Variants in USH2A observed in about 807,000 individuals in gnomAD.
USH2A encodes usherin, also known as Usher syndrome 2A (autosomal recessive, mild).
In USH2A, 443 loss-of-function variants were observed where a neutral mutation model predicts 538.9. The observed-to-expected ratio is 0.82, with a 90% CI of 0.76 to 0.89. The LOEUF is 0.89. USH2A is among the 40% of genes least tolerant of loss of function. USH2A has a pLI of 0.00. For synonymous variants in USH2A, 2,413 were observed against 2,273.5 expected (o/e 1.06, Z -1.75); for missense variants, 6,633 against 6,324.8 (o/e 1.05, Z -1.65).
At chr1:215,873,993 C>T (rs12095838) in intron 43 of USH2A, among the ~76,000 whole-genome samples, 3,384 of 152,114 alleles carry the variant, frequency 0.022, 118 homozygotes, top group African/African-American at 0.077. Flanking sequence ...AAATCCACAA[C>T]GAAAAGGAGA....
rs1044708602 is a variant in USH2A at position 215,766,779 on chromosome 1, G to A, written c.10949C>T (p.Pro3650Leu). ...AAGAGTGAAGCTGTAGTTGGTGTAT[G>A]GCTGGAGACCTAGAAAAAGCAAGCA... Reference protein sequence around the residue: ...RRQHTVTGLQPYTNYSFTLTA... With the variant: ...RRQHTVTGLQLYTNYSFTLTA... The change falls in exon 56 of 72, where the codon CCA (proline) becomes CTA (leucine). Residue 3650 changes from proline to leucine, a missense_variant. By Grantham distance (98) the Pro-to-Leu change is moderately conservative. Transcript: ENST00000307340. The A allele has an allele frequency of 1.2e-6, 2 of 1,613,504 alleles. No homozygotes were observed. The highest frequency in any genetic ancestry group is 2.7e-5 in the African/African-American group (2 of 75,002).
chr1:216,011,687 CA>C lies in USH2A; in HGVS notation c.6326-11126del, dbSNP rs200750497. 7.1e-3 allele frequency among the ~76,000 whole-genome samples: 1,078 copies of C among 152,220 alleles called. 13 individuals are homozygous for C. Among genetic ancestry groups the C allele is most frequent in the African/African-American group, 0.025 (1,032 of 41,528 alleles). Reference sequence around the variant, plus strand: ...AATACTTTAGAGGCCCTCAAAATCACAAACTATGCTCAACTTACTCTCTACA... The same window carrying C: ...AATACTTTAGAGGCCCTCAAAATCACAACTATGCTCAACTTACTCTCTACA... On this transcript the variant is annotated intron_variant, in intron 32 of 71. Transcript: ENST00000307340.
chr1:216,224,869 G>A (rs1221706756), intron 14 of USH2A, among the ~76,000 whole-genome samples: 3 of 152,002 alleles, frequency 2.0e-5, no homozygotes, highest in East Asian at 3.9e-4. Context: ...ATAATAATAA[G>A]TTACTTATAA....
chr1:216,148,445 T>C (rs1215881352), intron 21 of USH2A, among the ~76,000 whole-genome samples: 2 of 152,018 alleles, frequency 1.3e-5, no homozygotes, highest in Non-Finnish European at 2.9e-5. Context: ...CTCACAAGTA[T>C]AAGATACCTC....
intron 44 of USH2A, among the ~76,000 whole-genome samples, chr1:215,849,516 C>T (rs1268935878): frequency 1.3e-5 from 2 of 151,960 alleles, no homozygotes; most frequent in Non-Finnish European, 2.9e-5. Context: ...TTATAGACAT[C>T]GAGAACAGAA....
At chr1:216,168,262 C>T (rs1211772957) in intron 21 of USH2A, among the ~76,000 whole-genome samples, 1 of 152,012 alleles carries the variant, frequency 6.6e-6, no homozygotes, top group Admixed American at 6.6e-5. Context: ...TACAAAATAT[C>T]ATTAAGCAAC....
chr1:216,005,924 G>GA (rs1338606762), intron 32 of USH2A, among the ~76,000 whole-genome samples: 1 of 151,606 alleles, frequency 6.6e-6, no homozygotes, highest in African/African-American at 2.4e-5. Context: ...CATAGATGGA[G>GA]AAAAAATAGC....
chr1:215,912,487 ATATGTG>A (rs1323175647), intron 38 of USH2A, among the ~76,000 whole-genome samples: 26 of 28,112 alleles, frequency 9.2e-4, no homozygotes, highest in African/African-American at 3.9e-3. Flanking sequence ...GTATATATAT[ATATGTG>A]TATATATATA....
chr1:215,884,969 C>A (rs1164057520), intron 41 of USH2A, among the ~76,000 whole-genome samples: 1 of 152,078 alleles, frequency 6.6e-6, no homozygotes, highest in African/African-American at 2.4e-5. Flanking sequence ...AAAAAGTGGA[C>A]AGGGGCATCA....
intron 65 of USH2A, 133 bp downstream of exon 65, chr1:215,650,459 A>G: frequency 9.5e-7 from 1 of 1,057,006 alleles, no homozygotes; most frequent in Non-Finnish European, 1.4e-6. Context: ...TTGTGCTACT[A>G]AGTTCACCGT....
At chr1:216,244,172 A>C (rs1158391654) in intron 13 of USH2A, among the ~76,000 whole-genome samples, 2 of 152,174 alleles carry the variant, frequency 1.3e-5, no homozygotes, top group East Asian at 3.9e-4. Flanking sequence ...GGAGGATTAT[A>C]CTGCATTCCA....
At chr1:215,787,655 C>CT (rs1179528074) in intron 51 of USH2A, among the ~76,000 whole-genome samples, 4 of 152,120 alleles carry the variant, frequency 2.6e-5, no homozygotes, top group Non-Finnish European at 5.9e-5. Context: ...ATTTAGAATA[C>CT]TTTTTGCTAT....
intron 70 of USH2A, chr1:215,630,332 C>T: frequency 2.2e-6 from 1 of 451,740 alleles, no homozygotes; most frequent in South Asian, 1.6e-5. Flanking sequence ...TCTCCAATGA[C>T]AGCATTATCA....
chr1:216,074,547 C>T, intron 27 of USH2A, among the ~76,000 whole-genome samples: 1 of 152,158 alleles, frequency 6.6e-6, no homozygotes, highest in Non-Finnish European at 1.5e-5. Flanking sequence ...CATTAAGTTG[C>T]AGCCTATTTC....
At chr1:216,417,564 C>A (rs2039598683) in intron 3 of USH2A, among the ~76,000 whole-genome samples, 1 of 152,092 alleles carries the variant, frequency 6.6e-6, no homozygotes, top group South Asian at 2.1e-4. Context: ...GTGCTAGTCT[C>A]CTGATAGAAT....
At chr1:215,892,825 C>A (rs1208926063) in intron 40 of USH2A, among the ~76,000 whole-genome samples, 1 of 152,084 alleles carries the variant, frequency 6.6e-6, no homozygotes, top group Non-Finnish European at 1.5e-5. Context: ...TGAAAGAAAC[C>A]TCTGAAGGCT....
chr1:215,949,294 T>C (rs1666853085), intron 37 of USH2A, among the ~76,000 whole-genome samples: 1 of 152,052 alleles, frequency 6.6e-6, no homozygotes. Flanking sequence ...TACAAGCTGC[T>C]TAAGTAAATG....
intron 3 of USH2A, among the ~76,000 whole-genome samples, chr1:216,413,727 GC>G (rs1439740553): frequency 6.6e-6 from 1 of 151,960 alleles, no homozygotes; most frequent in Non-Finnish European, 1.5e-5. Flanking sequence ...GTATCAAGGA[GC>G]CCTGAAAATA....
chr1:215,651,987 TAA>T (rs930794487), intron 64 of USH2A, among the ~76,000 whole-genome samples: 2 of 152,250 alleles, frequency 1.3e-5, no homozygotes, highest in Non-Finnish European at 2.9e-5. Flanking sequence ...CCTCATTTTT[TAA>T]AAGAGACAAC....
Sources: allele counts gnomAD v4.1 joint callset (sites outside exome capture counted in the v4.1 genomes callset), GRCh38; gene constraint gnomAD v4.1.1; transcripts MANE v1.5; gene names NCBI Gene and HGNC (gene_info 2026-07-23, HGNC 2026-07-21).